Variants in TEX19 observed in about 807,000 individuals in gnomAD.
TEX19 encodes the protein testis-expressed protein 19.
For missense variants in TEX19, 184 were observed against 194.4 expected, an observed-to-expected ratio of 0.95 and a Z score of 0.32; for synonymous variants, 77 against 73.9, an observed-to-expected ratio of 1.04 and a Z score of -0.21.
chr17:82,360,559 CT>C (rs1476207527), intron 1 of TEX19, among the ~76,000 whole-genome samples: 311 of 101,668 alleles, frequency 3.1e-3, no homozygotes, highest in Middle Eastern at 0.013. Context: ...CCCAGTTTCC[CT>C]CAAGTTTCCC....
chr17:82,361,466 T>C (rs1487678108), intron 1 of TEX19, among the ~76,000 whole-genome samples: 17 of 126,308 alleles, frequency 1.3e-4, no homozygotes, highest in South Asian at 2.6e-4. Context: ...TCAGGTTCCC[T>C]CAGTTTCCCC....
In TEX19 at chr17:82,362,496, GA is replaced by G; in HGVS notation, c.347del (p.Asp116AlafsTer66). Reference protein sequence around the residue: ...APEGLEDAGLDPHFVPTELWP... With the variant: ...APEGLEDAGLXPHFVPTELWP... ...AGAAGGGTTGGAAGATGCAGGTCTG[GA>G]CCCCCACTTTGTCCCCACTGAACTA... On this transcript the variant is annotated frameshift_variant, in exon 2 of 2. Transcript: ENST00000333437. LOFTEE classifies it low-confidence loss of function (END_TRUNC). This position sits in a 1 kb window ranked among gnomAD's most constrained non-coding sequence, Gnocchi z 5.5. The G allele has an allele frequency of 6.2e-7, 1 of 1,612,902 alleles. No individual in the cohort carries two copies. Among genetic ancestry groups the G allele is most frequent in the Admixed American group, 1.7e-5 (1 of 60,016 alleles).
chr17:82,359,960 T>C (rs2052368572), intron 1 of TEX19, among the ~76,000 whole-genome samples: 1 of 119,350 alleles, frequency 8.4e-6, no homozygotes, highest in African/African-American at 3.4e-5. Context: ...TCCCCCAGTT[T>C]CCCTCAGGTT....
At position 82,362,048 on chromosome 17, in the gene TEX19, GC is replaced by G. The variant is rs1469234038; in HGVS notation, c.-100del. The G allele has an allele frequency of 1.3e-5, 19 of 1,444,802 alleles. No individual in the cohort carries two copies. Among genetic ancestry groups the G allele is most frequent in the Admixed American group, 2.2e-5 (1 of 45,556 alleles). The allele number at this position is 1,444,802 out of a possible 1,614,324, so 89.5% of individuals were successfully genotyped here. ...GCTCCTTGTCCCCTTCATCCCTGCC[GC>G]CCAGCATCCTACTGGCCTCAGCACC... On this transcript the variant is annotated 5_prime_UTR_variant, in exon 2 of 2. Coordinates refer to ENST00000333437, the MANE Select transcript of TEX19 (RefSeq NM_207459.4). This position sits in a 1 kb window ranked among gnomAD's most constrained non-coding sequence, Gnocchi z 5.5.
chr17:82,362,339 G>A lies in TEX19; in HGVS notation c.189G>A (p.Leu63=), dbSNP rs745986741. The A allele has an allele frequency of 1.9e-6, 3 of 1,613,836 alleles. No individual in the cohort carries two copies. Among genetic ancestry groups the A allele is most frequent in the Non-Finnish European group, 1.7e-6 (2 of 1,180,028 alleles). ...AAGAAGACAACTGGGACCCTGAGCT[G>A]ATGGAGCACACTGAGGCAGAGTCAG... ...DWEEDNWDPE[L]MEHTEAESEQ... is the part of the protein sequence containing the mutation. Residue 63 remains leucine, a synonymous_variant, in exon 2 of 2, where the codon CTG becomes CTA. Transcript: ENST00000333437. This position sits in a 1 kb window ranked among gnomAD's most constrained non-coding sequence, Gnocchi z 5.5.
At chr17:82,361,725 C>T in intron 1 of TEX19, 155 bp from the exon 2 acceptor site, 7 of 985,384 alleles carry the variant, frequency 7.1e-6, no homozygotes, top group Non-Finnish European at 8.4e-6. Context: ...GATGGAGGAA[C>T]TGAAGGCCTC....
chr17:82,362,027 C>G lies in TEX19; in HGVS notation c.-124C>G. 2 of 1,316,726 alleles carry G rather than the reference C, an allele frequency of 1.5e-6. No homozygotes were observed. The highest frequency in any genetic ancestry group is 2.1e-6 in the Non-Finnish European group (2 of 966,888). The allele number at this position is 1,316,726 out of a possible 1,614,324, so 81.6% of individuals were successfully genotyped here. The stretch of plus-strand genomic sequence containing the variant: ...AGGAAACCCCTTTCTCCTCCTGCTC[C>G]TTGTCCCCTTCATCCCTGCCGCCCA... On this transcript the variant is annotated 5_prime_UTR_variant, in exon 2 of 2. Coordinates refer to ENST00000333437, the MANE Select transcript of TEX19 (RefSeq NM_207459.4). The surrounding 1 kb of genome is among the most constrained non-coding windows in gnomAD (Gnocchi z 5.5).
At position 82,362,367 on chromosome 17, in the gene TEX19, C is replaced by A. The variant is rs1024891723; in HGVS notation, c.217C>A (p.Gln73Lys). The change falls in exon 2 of 2, where the codon CAG becomes AAG. Residue 73 changes from glutamine to lysine, a missense_variant. Physicochemically the swap from Gln to Lys is moderately conservative, Grantham distance 53. Coordinates refer to ENST00000333437, the MANE Select transcript of TEX19 (RefSeq NM_207459.4). The surrounding 1 kb of genome is among the most constrained non-coding windows in gnomAD (Gnocchi z 5.5). ...GGAGCACACTGAGGCAGAGTCAGAGCAGGAGGGGTCCTCAGGGATGGAGCT... is the reference window on the plus strand; with the variant it reads ...GGAGCACACTGAGGCAGAGTCAGAGAAGGAGGGGTCCTCAGGGATGGAGCT... Reference protein sequence around the residue: ...LMEHTEAESEQEGSSGMELSW... With the variant: ...LMEHTEAESEKEGSSGMELSW... The A allele has an allele frequency of 1.2e-6, 2 of 1,613,550 alleles. No homozygotes were observed. Among genetic ancestry groups the A allele is most frequent in the Non-Finnish European group, 1.7e-6 (2 of 1,180,016 alleles).
rs2052413561 is a variant in TEX19 at position 82,363,723 on chromosome 17, G to C, written c.*1078G>C. The C allele has an allele frequency of 6.0e-6, 1 of 166,964 alleles. No homozygotes were observed. The highest frequency in any genetic ancestry group is 1.5e-5 in the Non-Finnish European group (1 of 68,108). 10.3% of individuals were successfully genotyped at this position (166,964 alleles called of 1,614,324 possible). ...GATGCAATTTAACCATTTAATTCCT[G>C]TTGCTCTATATGTTGTTTTTAATTT... On this transcript the variant is annotated 3_prime_UTR_variant, in exon 2 of 2. Coordinates refer to ENST00000333437, the MANE Select transcript of TEX19 (RefSeq NM_207459.4).
chr17:82,361,109 T>A (rs1163454620), intron 1 of TEX19, among the ~76,000 whole-genome samples: 1 of 146,264 alleles, frequency 6.8e-6, no homozygotes. Context: ...GTTGCCTCAG[T>A]TTCCTTCAGG....
Position 82,363,223 on chromosome 17 carries a change from T to C in TEX19, c.*578T>C, listed in dbSNP as rs2143084941. On this transcript the variant is annotated 3_prime_UTR_variant, in exon 2 of 2. Coordinates refer to ENST00000333437, the MANE Select transcript of TEX19 (RefSeq NM_207459.4). ...CCCAGAACTGAGAGACTAAGGCTCA[T>C]GTAGCTGCCATTGTCCTGGGCACAC... 6.0e-6 allele frequency: 1 copy of C among 166,860 alleles called. No individual in the cohort carries two copies. The highest frequency in any genetic ancestry group is 1.5e-5 in the Non-Finnish European group (1 of 68,176). The allele number at this position is 166,860 out of a possible 1,614,324, so 10.3% of individuals were successfully genotyped here.
intron 1 of TEX19, among the ~76,000 whole-genome samples, chr17:82,360,780 T>C (rs1462957907): frequency 1.3e-4 from 8 of 59,728 alleles, no homozygotes; most frequent in African/African-American, 2.2e-4. Flanking sequence ...CCCTCAAGTT[T>C]CCCTCAGGTT....
At position 82,363,423 on chromosome 17, in the gene TEX19, T is replaced by C. The variant is rs1231906323; in HGVS notation, c.*778T>C. ...CTGGAAACAAGTTCTTACCAGTTGA[T>C]TGTCACATAGTTCTGGATGTGTTGG... On this transcript the variant is annotated 3_prime_UTR_variant, in exon 2 of 2. Transcript: ENST00000333437. 1.2e-5 allele frequency: 2 copies of C among 167,034 alleles called. No homozygotes were observed. The highest frequency in any genetic ancestry group is 4.8e-5 in the African/African-American group (2 of 41,472). 10.3% of individuals were successfully genotyped at this position (167,034 alleles called of 1,614,324 possible).
rs1257967420 is a variant in TEX19, at chr17:82,362,260, G to C, written c.110G>C (p.Cys37Ser). The change falls in exon 2 of 2, where the codon TGC (cysteine) becomes TCC (serine). Residue 37 changes from cysteine (C) to serine (S), a missense_variant. By Grantham distance (112) the Cys-to-Ser change is moderately radical. Transcript: ENST00000333437. This position sits in a 1 kb window ranked among gnomAD's most constrained non-coding sequence, Gnocchi z 5.5. Reference sequence around the variant, plus strand: ...GATCAGCTAAGCATTTGCTTCACCTGCTTCAAGGCTGCCTTTCTAGACTTT... The same window carrying C: ...GATCAGCTAAGCATTTGCTTCACCTCCTTCAAGGCTGCCTTTCTAGACTTT... ...HGDQLSICFT[C>S]FKAAFLDFKD... 6.2e-7 allele frequency: 1 copy of C among 1,614,032 alleles called. No individual in the cohort carries two copies. Among genetic ancestry groups the C allele is most frequent in the Admixed American group, 1.7e-5 (1 of 60,026 alleles).
In TEX19 at chr17:82,362,090, C is replaced by A; in HGVS notation, c.-61C>A. The A allele has an allele frequency of 6.4e-7, 1 of 1,553,508 alleles. No homozygotes were observed. The highest frequency in any genetic ancestry group is 1.4e-5 in the African/African-American group (1 of 73,920). ...CCTCAGCACCTGTGGCCAGACCGTC[C>A]AAGATCCTCTGAAGGCCCAGCTCTT... is the stretch of plus-strand genomic sequence containing the variant. On this transcript the variant is annotated 5_prime_UTR_variant, in exon 2 of 2. Coordinates refer to ENST00000333437, the MANE Select transcript of TEX19 (RefSeq NM_207459.4). This position sits in a 1 kb window ranked among gnomAD's most constrained non-coding sequence, Gnocchi z 5.5.
chr17:82,360,649 C>T (rs1301601300), intron 1 of TEX19, among the ~76,000 whole-genome samples: 1 of 130,564 alleles, frequency 7.7e-6, no homozygotes, highest in Admixed American at 7.8e-5. Flanking sequence ...CCCCAGTTTC[C>T]CTCAGGTTCC....
At position 82,362,158 on chromosome 17, in the gene TEX19, C is replaced by T; in HGVS notation, c.8C>T (p.Pro3Leu). The change falls in exon 2 of 2, where the codon CCT becomes CTT. Residue 3 changes from proline (P) to leucine (L), a missense_variant. Transcript: ENST00000333437. This position sits in a 1 kb window ranked among gnomAD's most constrained non-coding sequence, Gnocchi z 5.5. The stretch of plus-strand genomic sequence containing the variant: ...TAGGCAGGCAGCCTGGCCATGTGCC[C>T]TCCGGTCAGCATGCGGTATGAGGAA... Reference protein sequence around the residue: MCPPVSMRYEEEG... With the variant: MCLPVSMRYEEEG... 1.2e-6 allele frequency: 2 copies of T among 1,605,918 alleles called. No homozygotes were observed. The highest frequency in any genetic ancestry group is 1.7e-6 in the Non-Finnish European group (2 of 1,176,424).
Position 82,362,058 on chromosome 17 carries a change from C to A in TEX19, c.-93C>A, listed in dbSNP as rs2052398887. 3.2e-5 allele frequency: 48 copies of A among 1,482,696 alleles called. No homozygotes were observed. The highest frequency in any genetic ancestry group is 4.3e-5 in the Non-Finnish European group (48 of 1,109,710). 91.8% of individuals were successfully genotyped at this position (1,482,696 alleles called of 1,614,324 possible). A position where few individuals can be genotyped will look rare whatever the true frequency, so the allele number is the denominator to read the frequency against. On this transcript the variant is annotated 5_prime_UTR_variant, in exon 2 of 2. Transcript: ENST00000333437. The surrounding 1 kb of genome is among the most constrained non-coding windows in gnomAD (Gnocchi z 5.5). ...CCCTTCATCCCTGCCGCCCAGCATC[C>A]TACTGGCCTCAGCACCTGTGGCCAG...
Position 82,362,438 on chromosome 17 carries a change from G to A in TEX19, c.288G>A (p.Glu96=). 1 of 1,612,824 alleles carries A rather than the reference G, an allele frequency of 6.2e-7. No individual in the cohort carries two copies. The highest frequency in any genetic ancestry group is 1.1e-5 in the South Asian group (1 of 91,076). Residue 96 remains glutamate (E), a synonymous_variant, in exon 2 of 2, where the codon GAG becomes GAA. Transcript: ENST00000333437. This position sits in a 1 kb window ranked among gnomAD's most constrained non-coding sequence, Gnocchi z 5.5. The stretch of plus-strand genomic sequence containing the variant: ...GACAGCCTGTGCAGGGGGGCTCTGA[G>A]GCATGGGGGCCAGGGACCCTGGCAG... The part of the protein sequence containing the change: ...SPGQPVQGGS[E]AWGPGTLAAA...
Sources: allele counts gnomAD v4.1 joint callset (sites outside exome capture counted in the v4.1 genomes callset), GRCh38; gene constraint gnomAD v4.1.1; non-coding constraint Gnocchi (gnomAD v3.1); transcripts MANE v1.5; gene names NCBI Gene and HGNC (gene_info 2026-07-23, HGNC 2026-07-21).